Variants in KSR1 observed in about 807,000 individuals in gnomAD.
The protein encoded by KSR1 is kinase suppressor of ras.
Under a neutral mutation model 92.9 loss-of-function variants are expected in KSR1, and 35 were observed. The observed-to-expected ratio is 0.38, with a 90% CI of 0.29 to 0.50. KSR1 has a LOEUF of 0.50. Among genes scored for constraint, KSR1 ranks in the 20% least tolerant of loss-of-function variants. The probability of loss-of-function intolerance (pLI) is 0.94; values close to 1 mark genes in which losing one functional copy is unlikely to be tolerated. For missense variants in KSR1, 972 were observed against 1,158.5 expected (o/e 0.84, Z 2.34); for synonymous variants, 467 against 472.6 (o/e 0.99, Z 0.15).
intron 1 of KSR1, among the ~76,000 whole-genome samples, chr17:27,472,680 G>A (rs867800545): frequency 6.6e-6 from 1 of 152,168 alleles, no homozygotes; most frequent in Non-Finnish European, 1.5e-5. Context: ...GTGGGTGCCT[G>A]TAATCCCAGC....
chr17:27,583,567 C>T (rs940014), intron 4 of KSR1, among the ~76,000 whole-genome samples: 85,312 of 152,090 alleles, frequency 0.56, 24,158 homozygotes, highest in Admixed American at 0.67. Flanking sequence ...GAAGTTCCAC[C>T]CACCATTCCT....
chr17:27,517,545 C>T (rs1386532311), intron 1 of KSR1, among the ~76,000 whole-genome samples: 1 of 152,226 alleles, frequency 6.6e-6, no homozygotes, highest in South Asian at 2.1e-4. Flanking sequence ...ATCCGCCCAC[C>T]TTGGCCTCCC....
chr17:27,590,443 A>T (rs11080226), intron 6 of KSR1, among the ~76,000 whole-genome samples: 2 of 152,098 alleles, frequency 1.3e-5, no homozygotes, highest in Non-Finnish European at 2.9e-5. Flanking sequence ...TGCTGCAGGC[A>T]TACCTTGTCC....
intron 1 of KSR1, among the ~76,000 whole-genome samples, chr17:27,511,385 T>A (rs552992129): frequency 4.7e-4 from 72 of 152,140 alleles, no homozygotes; most frequent in African/African-American, 1.6e-3. Flanking sequence ...GGAGGGTGGG[T>A]GCTGCTGCGC....
At chr17:27,564,995 AAAT>A (rs1414478910) in intron 2 of KSR1, among the ~76,000 whole-genome samples, 3 of 152,206 alleles carry the variant, frequency 2.0e-5, no homozygotes, top group Admixed American at 6.5e-5. Flanking sequence ...TTATTTTAGA[AAAT>A]AATAGAAAGG....
chr17:27,526,094 T>TCTC (rs2070282517), intron 1 of KSR1, among the ~76,000 whole-genome samples: 40 of 118,478 alleles, frequency 3.4e-4, no homozygotes, highest in African/African-American at 8.2e-4. Context: ...CTTTCTTTCT[T>TCTC]TCTCTCTCTC....
intron 1 of KSR1, among the ~76,000 whole-genome samples, chr17:27,494,310 A>G (rs568080968): frequency 2.0e-5 from 3 of 152,210 alleles, no homozygotes; most frequent in African/African-American, 7.2e-5. Context: ...GCAAGCACCC[A>G]GATTAGAGAT....
chr17:27,617,307 G>T lies in KSR1; in HGVS notation c.2506G>T (p.Ala836Ser). 1 of 1,607,078 alleles carries T rather than the reference G, an allele frequency of 6.2e-7. No individual in the cohort carries two copies. Among genetic ancestry groups the T allele is most frequent in the Non-Finnish European group, 8.5e-7 (1 of 1,175,278 alleles). ...LGKEVSEILS[A>S]CWAFDLQERP... Reference sequence around the variant, plus strand: ...GCTCCATTTGCAGGAGATCCTGTCGGCCTGCTGGGCTTTCGACCTGCAGGA... The same window carrying T: ...GCTCCATTTGCAGGAGATCCTGTCGTCCTGCTGGGCTTTCGACCTGCAGGA... Residue 836 changes from alanine to serine, a missense_variant, in exon 19 of 21, where the codon GCC becomes TCC. Coordinates refer to ENST00000644974, the MANE Select transcript of KSR1 (RefSeq NM_001394583.1).
rs185417310 is a variant in KSR1 at position 27,462,718 on chromosome 17, T to A, written c.231+5844T>A. Reference sequence around the variant, plus strand: ...TATTTACAAAATACATAATGATATATGTTCACTATAAAAAAGAAAGTACTA... The same window carrying A: ...TATTTACAAAATACATAATGATATAAGTTCACTATAAAAAAGAAAGTACTA... On this transcript the variant is annotated intron_variant, in intron 1 of 20. Coordinates refer to ENST00000644974, the MANE Select transcript of KSR1 (RefSeq NM_001394583.1). Among the ~76,000 whole-genome samples the A allele has an allele frequency of 1.0e-4, 16 of 152,396 alleles. No individual in the cohort carries two copies. The East Asian group carries it at 3.1e-3, about 29-fold the overall frequency.
intron 18 of KSR1, among the ~76,000 whole-genome samples, chr17:27,614,993 A>G (rs1377480673): frequency 6.6e-6 from 1 of 152,204 alleles, no homozygotes; most frequent in Non-Finnish European, 1.5e-5. Context: ...ACTGCTGTAT[A>G]GTTCACCACC....
At chr17:27,483,985 A>T (rs75297056) in intron 1 of KSR1, 1 of 152,272 alleles carries the variant, frequency 6.6e-6, no homozygotes, top group Non-Finnish European at 1.5e-5. Flanking sequence ...GAATTCCTAG[A>T]TGGAGAACTC....
chr17:27,530,360 G>A (rs1481030729), intron 1 of KSR1, among the ~76,000 whole-genome samples: 1 of 151,974 alleles, frequency 6.6e-6, no homozygotes, highest in Non-Finnish European at 1.5e-5. Flanking sequence ...TGGGAGGATC[G>A]TTTGAGCCTG....
intron 1 of KSR1, among the ~76,000 whole-genome samples, chr17:27,473,798 G>A (rs1286293147): frequency 1.3e-5 from 2 of 152,164 alleles, no homozygotes; most frequent in Non-Finnish European, 2.9e-5. Flanking sequence ...ATCCATCAAC[G>A]AATGGAAACT....
intron 19 of KSR1, among the ~76,000 whole-genome samples, chr17:27,620,368 A>C (rs1025223927): frequency 2.0e-5 from 3 of 152,256 alleles, no homozygotes; most frequent in Non-Finnish European, 4.4e-5. Flanking sequence ...AGGAGATTGC[A>C]GTGTCCTAAA....
chr17:27,491,137 T>C (rs114180915), intron 1 of KSR1, among the ~76,000 whole-genome samples: 2,401 of 152,218 alleles, frequency 0.016, 67 homozygotes, highest in African/African-American at 0.055. Flanking sequence ...TTTATTTTTT[T>C]AGAGGTGGAG....
chr17:27,619,787 A>T (rs1243356026), intron 19 of KSR1, among the ~76,000 whole-genome samples: 1 of 151,748 alleles, frequency 6.6e-6, no homozygotes, highest in Non-Finnish European at 1.5e-5. Flanking sequence ...ATCTCGACTC[A>T]CTGCAACCTC....
chr17:27,571,634 A>C (rs1019479777), intron 2 of KSR1, among the ~76,000 whole-genome samples: 3 of 152,244 alleles, frequency 2.0e-5, no homozygotes, highest in African/African-American at 7.2e-5. Flanking sequence ...CATGCACACC[A>C]GTGATCCAGG....
intron 1 of KSR1, among the ~76,000 whole-genome samples, chr17:27,486,298 G>A (rs935964435): frequency 5.3e-5 from 8 of 152,232 alleles, no homozygotes; most frequent in African/African-American, 1.4e-4. Flanking sequence ...GGTACCCACC[G>A]TTGTCTTGGG....
chr17:27,492,939 C>T (rs574782787), intron 1 of KSR1, among the ~76,000 whole-genome samples: 42 of 152,280 alleles, frequency 2.8e-4, no homozygotes, highest in African/African-American at 8.7e-4. Flanking sequence ...GCATTCCCAG[C>T]CTTACTTTTT....
Sources: allele counts gnomAD v4.1 joint callset (sites outside exome capture counted in the v4.1 genomes callset), GRCh38; gene constraint gnomAD v4.1.1; transcripts MANE v1.5; gene names NCBI Gene and HGNC (gene_info 2026-07-23, HGNC 2026-07-21).